Variants in CHST6 observed in about 807,000 individuals in gnomAD.
The protein encoded by CHST6 is carbohydrate sulfotransferase 6, also known as N-acetylglucosamine 6-O-sulfotransferase 5.
For synonymous variants in CHST6, 309 were observed against 276.4 expected (o/e 1.12, Z -1.17); for missense variants, 698 against 586.2 (o/e 1.19, Z -1.97).
At chr16:75,492,771 G>GA (rs1555501880) in intron 1 of CHST6, among the ~76,000 whole-genome samples, 1 of 151,836 alleles carries the variant, frequency 6.6e-6, no homozygotes, top group Non-Finnish European at 1.5e-5. Context: ...AATCACTGGA[G>GA]CCAGGAGTCC....
chr16:75,490,775 C>T (rs1437018529), intron 1 of CHST6: 1 of 151,972 alleles, frequency 6.6e-6, no homozygotes, highest in Non-Finnish European at 1.5e-5. Context: ...GAGAACTGAA[C>T]ATACAAGCCC....
intron 1 of CHST6, among the ~76,000 whole-genome samples, chr16:75,492,973 A>G (rs573784278): frequency 6.6e-6 from 1 of 152,334 alleles, no homozygotes; most frequent in African/African-American, 2.4e-5. Context: ...AATCAGATAT[A>G]TTTCAATATT....
chr16:75,481,931 G>C, intron 1 of CHST6, 40 bp from the exon 2 acceptor site: 2 of 452,114 alleles, frequency 4.4e-6, no homozygotes, highest in South Asian at 3.2e-5. Context: ...ACTCTACAGG[G>C]GAAGATAGCC....
chr16:75,491,183 A>AG (rs2080250149), intron 1 of CHST6, among the ~76,000 whole-genome samples: 1 of 86,192 alleles, frequency 1.2e-5, no homozygotes, highest in Admixed American at 1.6e-4. Flanking sequence ...AAAAAAAAAA[A>AG]AAAAAAAATA....
Position 75,484,771 on chromosome 16 carries a change from G to C in CHST6, c.-91-2880C>G, listed in dbSNP as rs527887638. On this transcript the variant is annotated intron_variant, in intron 1 of 2. Coordinates refer to ENST00000332272, the MANE Select transcript of CHST6 (RefSeq NM_021615.5). ...AGGCAGGAGAATCATTTGAACCCGG[G>C]AGATGGAGGTTGCAGTGAGCTGAGA... Among the ~76,000 whole-genome samples, 17 of 152,204 alleles carry C rather than the reference G, an allele frequency of 1.1e-4. No individual in the cohort carries two copies. The South Asian group carries it at 3.5e-3, about 32-fold the overall frequency.
chr16:75,492,903 T>G (rs575330314), intron 1 of CHST6, among the ~76,000 whole-genome samples: 4 of 152,108 alleles, frequency 2.6e-5, no homozygotes, highest in African/African-American at 7.2e-5. Context: ...AAATGCAACA[T>G]GTGGACCTTG....
intron 1 of CHST6, among the ~76,000 whole-genome samples, chr16:75,491,180 AAAAAAAAAAAATAT>A (rs1191785478): frequency 4.9e-5 from 4 of 81,680 alleles, no homozygotes; most frequent in East Asian, 8.2e-4. Context: ...AAAAAAAAAA[AAAAAAAAAAAATAT>A]ATATATATAT....
intron 1 of CHST6, among the ~76,000 whole-genome samples, chr16:75,487,698 C>G (rs1448204621): frequency 6.7e-6 from 1 of 149,582 alleles, no homozygotes; most frequent in Non-Finnish European, 1.5e-5. Flanking sequence ...ACTCAGGAGG[C>G]TGAGGTGGGA....
At chr16:75,482,551 A>C (rs916403738) in intron 1 of CHST6, among the ~76,000 whole-genome samples, 1 of 152,178 alleles carries the variant, frequency 6.6e-6, no homozygotes, top group Non-Finnish European at 1.5e-5. Flanking sequence ...AACAGCAACA[A>C]CAACAAAAAT....
Position 75,487,778 on chromosome 16 carries a change from G to C in CHST6, c.-91-5887C>G, listed in dbSNP as rs148441218. Among the ~76,000 whole-genome samples, 1,246 of 134,078 alleles carry C rather than the reference G, an allele frequency of 9.3e-3. 6 individuals carry two copies. The highest frequency in any genetic ancestry group is 0.015 in the Non-Finnish European group (963 of 64,458). The allele number at this position is 134,078 out of a possible 152,430, so 88.0% of individuals were successfully genotyped here. ...CGTGCCACTGCACTCCAGCCTGGGT[G>C]ACAGACAGAGTGAGACTCCGTCCCC... On this transcript the variant is annotated intron_variant, in intron 1 of 2. Coordinates refer to ENST00000332272, the MANE Select transcript of CHST6 (RefSeq NM_021615.5).
At chr16:75,485,820 C>G (rs1288159539) in intron 1 of CHST6, among the ~76,000 whole-genome samples, 1 of 151,898 alleles carries the variant, frequency 6.6e-6, no homozygotes, top group Non-Finnish European at 1.5e-5. Context: ...GTCAAGGGAC[C>G]TGATGGTGTC....
In CHST6 at chr16:75,474,899, G is replaced by A. The variant is rs56116092; in HGVS notation, c.*3742C>T. 0.52 allele frequency: 194,953 copies of A among 377,876 alleles called. 52,147 individuals are homozygous for A. The highest frequency in any genetic ancestry group is 0.62 in the Admixed American group (13,680 of 22,044). The allele number at this position is 377,876 out of a possible 1,614,324, so 23.4% of individuals were successfully genotyped here. On this transcript the variant is annotated 3_prime_UTR_variant, in exon 3 of 3. Transcript: ENST00000332272. Reference sequence around the variant, plus strand: ...CAATCTCTGCCTCCTGGGTTCAAGCGATTCTCCTGTCTCAGCCTCCCAAGT... The same window carrying A: ...CAATCTCTGCCTCCTGGGTTCAAGCAATTCTCCTGTCTCAGCCTCCCAAGT...
Position 75,479,617 on chromosome 16 carries a change from T to A in CHST6, c.212A>T (p.Glu71Val). 1 of 1,612,768 alleles carries A rather than the reference T, an allele frequency of 6.2e-7. No homozygotes were observed. Among genetic ancestry groups the A allele is most frequent in the Non-Finnish European group, 8.5e-7 (1 of 1,179,818 alleles). ...GGTGGTCCACACGTGCCACGCGGGC[T>A]CCATTAGGTAGAAGACGTCGGGGTG... ...NQHPDVFYLM[E>V]PAWHVWTTLS... The change falls in exon 3 of 3, where the codon GAG becomes GTG. Residue 71 changes from glutamate (E) to valine (V), a missense_variant. Physicochemically the swap from Glu to Val is moderately radical, Grantham distance 121 (BLOSUM62 -2). Transcript: ENST00000332272.
At chr16:75,493,287 G>A (rs1163581058) in intron 1 of CHST6, among the ~76,000 whole-genome samples, 1 of 151,938 alleles carries the variant, frequency 6.6e-6, no homozygotes, top group Non-Finnish European at 1.5e-5. Flanking sequence ...GAGGAGGGCG[G>A]ATCACGAGGT....
At position 75,478,674 on chromosome 16, in the gene CHST6, C is replaced by A; in HGVS notation, c.1155G>T (p.Trp385Cys). 1 of 1,613,698 alleles carries A rather than the reference C, an allele frequency of 6.2e-7. No individual in the cohort carries two copies. Among genetic ancestry groups the A allele is most frequent in the Non-Finnish European group, 8.5e-7 (1 of 1,180,026 alleles). Residue 385 changes from tryptophan to cysteine, a missense_variant, in exon 3 of 3, where the codon TGG (tryptophan) becomes TGT (cysteine). Transcript: ENST00000332272. ...VLPRGLNGFT[W>C]ASSTASHPRN ...GGGGGTGCGAGGCGGTGGATGATGC[C>A]CAAGTGAAGCCGTTCAGGCCTCGTG...
At chr16:75,487,179 C>T (rs530614217) in intron 1 of CHST6, among the ~76,000 whole-genome samples, 2 of 152,342 alleles carry the variant, frequency 1.3e-5, no homozygotes, top group Admixed American at 1.3e-4. Flanking sequence ...ACAGGATCTT[C>T]TAAACATCCC....
At position 75,474,996 on chromosome 16, in the gene CHST6, TTG is replaced by T. The variant is rs563605488; in HGVS notation, c.*3643_*3644del. The T allele has an allele frequency of 4.1e-4, 101 of 243,772 alleles. No individual in the cohort carries two copies. The highest frequency in any genetic ancestry group is 2.2e-3 in the African/African-American group (98 of 45,056). 15.1% of individuals were successfully genotyped at this position (243,772 alleles called of 1,614,324 possible). A position where few individuals can be genotyped will look rare whatever the true frequency, so the allele number is the denominator to read the frequency against. On this transcript the variant is annotated 3_prime_UTR_variant, in exon 3 of 3. Coordinates refer to ENST00000332272, the MANE Select transcript of CHST6 (RefSeq NM_021615.5). ...TTTTAACTAGAAATGGTGTTTTACCTTGTTGGCCAGGCTGGTCTCAAACTCCT... is the reference window on the plus strand; with the variant it reads ...TTTTAACTAGAAATGGTGTTTTACCTTTGGCCAGGCTGGTCTCAAACTCCT...
At chr16:75,494,830 C>G (rs1204496893) in intron 1 of CHST6, 110 bp downstream of exon 1, 1 of 152,470 alleles carries the variant, frequency 6.6e-6, no homozygotes, top group Non-Finnish European at 1.5e-5. Context: ...TCCCGCCACC[C>G]CAGGTCCCCG....
At chr16:75,491,191 AT>A (rs1388614182) in intron 1 of CHST6, among the ~76,000 whole-genome samples, 6,489 of 40,270 alleles carry the variant, frequency 0.16, 460 homozygotes, top group Non-Finnish European at 0.22. Flanking sequence ...AAAAAAAAAA[AT>A]ATATATATAT....
Sources: allele counts gnomAD v4.1 joint callset (sites outside exome capture counted in the v4.1 genomes callset), GRCh38; gene constraint gnomAD v4.1.1; transcripts MANE v1.5; gene names NCBI Gene and HGNC (gene_info 2026-07-23, HGNC 2026-07-21).